ALS2CL: variants seen among roughly 807,000 people sequenced by gnomAD.
ALS2CL encodes ALS2 C-terminal-like protein.
In ALS2CL, 112 loss-of-function variants were observed where a neutral mutation model predicts 127.9. That is an observed-to-expected ratio of 0.88 (90% CI 0.75 to 1.02). ALS2CL has a LOEUF of 1.02. ALS2CL is among the 50% of genes least tolerant of loss of function. The pLI, the probability that ALS2CL is intolerant of heterozygous loss-of-function variation, is 0.00. For missense variants in ALS2CL, 1,174 were observed against 1,236.7 expected (o/e 0.95, Z 0.76); for synonymous variants, 519 against 527.6 (o/e 0.98, Z 0.22).
chr3:46,689,205 G>T, intron 2 of ALS2CL, 133 bp downstream of exon 2: 1 of 874,022 alleles, frequency 1.1e-6, no homozygotes, highest in Non-Finnish European at 1.8e-6. Context: ...ATCAGAAGAT[G>T]CTGATACCAG....
At chr3:46,675,846 C>G (rs1559461460) in intron 19 of ALS2CL, 160 bp from the exon 20 acceptor site, 1 of 1,463,334 alleles carries the variant, frequency 6.8e-7, no homozygotes, top group East Asian at 2.5e-5. Flanking sequence ...GGTTGGAGCT[C>G]CAGGATGTTA....
intron 14 of ALS2CL, 171 bp downstream of exon 14, chr3:46,680,259 C>G: frequency 1.5e-6 from 1 of 658,046 alleles, no homozygotes; most frequent in Non-Finnish European, 2.6e-6. Flanking sequence ...TGGCCAGGGC[C>G]AGGGGAGGTG....
At position 46,676,901 on chromosome 3, in the gene ALS2CL, C is replaced by A. The variant is rs138602401; in HGVS notation, c.1879G>T (p.Val627Leu). The A allele has an allele frequency of 5.2e-5, 84 of 1,613,478 alleles. No individual in the cohort carries two copies. Among genetic ancestry groups the A allele is most frequent in the Non-Finnish European group, 6.8e-5 (80 of 1,179,974 alleles). ...CTACGCAGCTCCCTGGAGCTCTGCA[C>A]GTCGAAGCCCAGCAGGGCCTCCTGC... ...DLQEALLGFD[V>L]QSSRELRRSQ... The change falls in exon 17 of 26, where the codon GTG becomes TTG. Residue 627 changes from valine to leucine, a missense_variant. Coordinates refer to ENST00000318962, the MANE Select transcript of ALS2CL (RefSeq NM_147129.5).
In ALS2CL at chr3:46,676,296, A is replaced by C. The variant is rs372900445; in HGVS notation, c.2135T>G (p.Leu712Arg). The C allele has an allele frequency of 6.2e-6, 10 of 1,613,670 alleles. No individual in the cohort carries two copies. In the South Asian group the frequency reaches 8.8e-5, roughly 14 times the overall value. The change falls in exon 19 of 26, where the codon CTG becomes CGG. Residue 712 changes from leucine (L) to arginine (R), a missense_variant. Leu to Arg is a moderately radical substitution (Grantham distance 102). Coordinates refer to ENST00000318962, the MANE Select transcript of ALS2CL (RefSeq NM_147129.5). ...GVGANKHLQELAQEEVKQHAQ... is the reference protein window; with the variant it reads ...GVGANKHLQERAQEEVKQHAQ... Reference sequence around the variant, plus strand: ...ATGCTGCTTCACCTCCTCCTGGGCCAGCTCCTGCAGGTGCTTGTTGGCCCC... The same window carrying C: ...ATGCTGCTTCACCTCCTCCTGGGCCCGCTCCTGCAGGTGCTTGTTGGCCCC...
At position 46,675,623 on chromosome 3, in the gene ALS2CL, C is replaced by CTCT; in HGVS notation, c.2247_2249dup (p.Glu750dup). On this transcript the variant is annotated inframe_insertion, in exon 20 of 26. Coordinates refer to ENST00000318962, the MANE Select transcript of ALS2CL (RefSeq NM_147129.5). ...AGGAGACCTGCGCCAGTCACCTTGT[C>CTCT]TCTGTGTCTTCATCCTCCTCCAGGG... 6.2e-7 allele frequency: 1 copy of CTCT among 1,613,824 alleles called. No homozygotes were observed. Among genetic ancestry groups the CTCT allele is most frequent in the South Asian group, 1.1e-5 (1 of 91,072 alleles).
rs1265943339 is a variant in ALS2CL, at chr3:46,681,382, C to T, written c.1300G>A (p.Gly434Ser). ...CEYSTDEVYK[G>S]YFQEGLRHGF... ...TGCCGCAGGCCCTCCTGGAAGTAGC[C>T]CTTGTACACCTCGTCGGTGCTGTAC... is the stretch of plus-strand genomic sequence containing the variant. The change falls in exon 13 of 26, where the codon GGC (glycine) becomes AGC (serine). Residue 434 changes from glycine (G) to serine (S), a missense_variant. Gly to Ser is a moderately conservative substitution (Grantham distance 56, BLOSUM62 0). Coordinates refer to ENST00000318962, the MANE Select transcript of ALS2CL (RefSeq NM_147129.5). This position sits in a 1 kb window ranked among gnomAD's most constrained non-coding sequence, Gnocchi z 4.9. The T allele has an allele frequency of 1.2e-6, 2 of 1,606,830 alleles. No homozygotes were observed. The highest frequency in any genetic ancestry group is 1.7e-5 in the Admixed American group (1 of 59,758).
In ALS2CL at chr3:46,678,357, C is replaced by G. The variant is rs1352318596; in HGVS notation, c.1659G>C (p.Leu553=). 1.2e-6 allele frequency: 2 copies of G among 1,613,102 alleles called. No individual in the cohort carries two copies. Among genetic ancestry groups the G allele is most frequent in the South Asian group, 2.2e-5 (2 of 90,960 alleles). The change falls in exon 16 of 26, where the codon CTG becomes CTC. Residue 553 remains leucine (L), a synonymous_variant. Coordinates refer to ENST00000318962, the MANE Select transcript of ALS2CL (RefSeq NM_147129.5). ...GKVTFPNGFT[L]EGSFGSGAGR... ...CTGCCCCACTGCCGAACGAGCCCTCCAGGGTGAAGCCATTGGGGAAGGTGA... is the reference window on the plus strand; with the variant it reads ...CTGCCCCACTGCCGAACGAGCCCTCGAGGGTGAAGCCATTGGGGAAGGTGA...
Position 46,681,050 on chromosome 3 carries a change from G to T in ALS2CL, c.1436+196C>A. ...ACACCATGAGGAGGGGTGAGGGGCG[G>T]GGGCGACCCTGCAGTCAGCGTGACC... On this transcript the variant is annotated intron_variant, in intron 13 of 25. Transcript: ENST00000318962. This position sits in a 1 kb window ranked among gnomAD's most constrained non-coding sequence, Gnocchi z 4.9. 1.2e-6 allele frequency: 1 copy of T among 848,790 alleles called. No homozygotes were observed. The allele number at this position is 848,790 out of a possible 1,614,324, so 52.6% of individuals were successfully genotyped here.
Position 46,681,121 on chromosome 3 carries a change from G to T in ALS2CL, c.1436+125C>A. On this transcript the variant is annotated intron_variant, in intron 13 of 25. Coordinates refer to ENST00000318962, the MANE Select transcript of ALS2CL (RefSeq NM_147129.5). This position sits in a 1 kb window ranked among gnomAD's most constrained non-coding sequence, Gnocchi z 4.9. Reference sequence around the variant, plus strand: ...CTCCGCAGCAACCGAGGGACTGGAGGGGAAGTGAGGGGCTTAAGAGAGACA... The same window carrying T: ...CTCCGCAGCAACCGAGGGACTGGAGTGGAAGTGAGGGGCTTAAGAGAGACA... 6.9e-7 allele frequency: 1 copy of T among 1,444,952 alleles called. No homozygotes were observed. The highest frequency in any genetic ancestry group is 9.7e-7 in the Non-Finnish European group (1 of 1,034,500). 89.5% of individuals were successfully genotyped at this position (1,444,952 alleles called of 1,614,324 possible).
intron 20 of ALS2CL, 30 bp from the exon 21 acceptor site, chr3:46,674,769 G>A (rs1698677986): frequency 1.3e-6 from 2 of 1,560,284 alleles, no homozygotes; most frequent in Middle Eastern, 2.0e-4. Context: ...AGGTTGGGAT[G>A]AGCAAGGTGG....
chr3:46,677,299 T>C, intron 16 of ALS2CL: 1 of 1,281,488 alleles, frequency 7.8e-7, no homozygotes, highest in South Asian at 1.9e-5. Context: ...TGGGCAGATC[T>C]GGAGGCCAAG....
intron 20 of ALS2CL, 174 bp from the exon 21 acceptor site, chr3:46,674,913 A>C (rs890130384): frequency 1.1e-5 from 6 of 565,582 alleles, no homozygotes; most frequent in Non-Finnish European, 1.5e-5. Context: ...TGCCCAATTC[A>C]ATTCATAACT....
rs767584797 is a variant in ALS2CL at position 46,674,647 on chromosome 3, T to C, written c.2348A>G (p.Glu783Gly). Reference protein sequence around the residue: ...FTLYLLLHEREDSFYSQGIAN... With the variant: ...FTLYLLLHERGDSFYSQGIAN... ...AATGCCCTGGCTGTAGAAGCTGTCCTCCCGCTCATGAAGCAGCAGGTAGAG... is the reference window on the plus strand; with the variant it reads ...AATGCCCTGGCTGTAGAAGCTGTCCCCCCGCTCATGAAGCAGCAGGTAGAG... The change falls in exon 21 of 26, where the codon GAG becomes GGG. Residue 783 changes from glutamate (E) to glycine (G), a missense_variant. Physicochemically the swap from Glu to Gly is moderately conservative, Grantham distance 98 (BLOSUM62 -2). Coordinates refer to ENST00000318962, the MANE Select transcript of ALS2CL (RefSeq NM_147129.5). 8.7e-6 allele frequency: 14 copies of C among 1,614,010 alleles called. No homozygotes were observed. The highest frequency in any genetic ancestry group is 1.2e-5 in the Non-Finnish European group (14 of 1,180,024).
In ALS2CL at chr3:46,672,131, CA is replaced by C. The variant is rs1317510983; in HGVS notation, c.2534+8del. The C allele has an allele frequency of 6.2e-7, 1 of 1,614,170 alleles. No individual in the cohort carries two copies. Among genetic ancestry groups the C allele is most frequent in the Non-Finnish European group, 8.5e-7 (1 of 1,180,042 alleles). On this transcript the variant is annotated splice_region_variant and intron_variant, in intron 23 of 25. Coordinates refer to ENST00000318962, the MANE Select transcript of ALS2CL (RefSeq NM_147129.5). Reference sequence around the variant, plus strand: ...TCCGGACCCCCAACCCACTACGGCTCACACTCACATGATCTTCTGCAGGCAC... The same window carrying C: ...TCCGGACCCCCAACCCACTACGGCTCCACTCACATGATCTTCTGCAGGCAC...
chr3:46,675,920 G>A (rs1021810963), intron 19 of ALS2CL: 2 of 1,428,984 alleles, frequency 1.4e-6, no homozygotes, highest in East Asian at 2.5e-5. Context: ...GTGTTTCATG[G>A]GGTCACAGCC....
intron 10 of ALS2CL, among the ~76,000 whole-genome samples, chr3:46,682,653 A>G (rs537743574): frequency 1.3e-5 from 2 of 152,296 alleles, no homozygotes; most frequent in Admixed American, 6.5e-5. Context: ...CAGACCTGTG[A>G]TTGAGGCCGG....
rs1698902585 is a variant in ALS2CL at position 46,677,031 on chromosome 3, G to C, written c.1758-9C>G. The C allele has an allele frequency of 1.3e-6, 2 of 1,592,236 alleles. No homozygotes were observed. Among genetic ancestry groups the C allele is most frequent in the East Asian group, 2.2e-5 (1 of 44,754 alleles). On this transcript the variant is annotated splice_polypyrimidine_tract_variant and intron_variant, in intron 16 of 25. Coordinates refer to ENST00000318962, the MANE Select transcript of ALS2CL (RefSeq NM_147129.5). ...CACCCACGCCCAGCTGCCTGCGATG[G>C]GGATGGAGGGTGGGTGATGGGGCAG...
rs763121973 is a variant in ALS2CL at position 46,672,209 on chromosome 3, G to A, written c.2473-8C>T. ...CCTGACCAGGGAGTACCTCTGCATG[G>A]TGGAGGGAGTGGGCTGGATGAGGCC... On this transcript the variant is annotated splice_region_variant and splice_polypyrimidine_tract_variant and intron_variant, in intron 22 of 25. Transcript: ENST00000318962. 4.3e-6 allele frequency: 7 copies of A among 1,613,900 alleles called. No homozygotes were observed. Among genetic ancestry groups the A allele is most frequent in the Admixed American group, 3.3e-5 (2 of 59,998 alleles).
chr3:46,687,737 A>C (rs1699896756), intron 3 of ALS2CL, 53 bp from the exon 4 acceptor site: 2 of 1,556,354 alleles, frequency 1.3e-6, no homozygotes, highest in Admixed American at 1.8e-5. Context: ...CCCCAGACCT[A>C]AGCCCCTGGT....
Sources: gnomAD v4.1 joint callset for allele counts (sites outside exome capture counted in the v4.1 genomes callset) on GRCh38, gnomAD v4.1.1 for gene constraint, Gnocchi (gnomAD v3.1) non-coding constraint, MANE v1.5 for transcripts, NCBI Gene and HGNC (gene_info 2026-07-23, HGNC 2026-07-21) for gene names.